Variants in CDH18 observed in about 807,000 individuals in gnomAD.
CDH18 encodes the protein cadherin-18.
A neutral mutation model predicts 67.9 loss-of-function variants in CDH18; 31 were observed. The ratio of observed to expected loss-of-function variants is 0.46; its 90% CI spans 0.34 to 0.62. The LOEUF is 0.62. Among genes scored for constraint, CDH18 ranks in the 20% least tolerant of loss-of-function variants. The pLI is 0.01. For synonymous variants in CDH18, 362 were observed against 347.2 expected, an observed-to-expected ratio of 1.04 and a Z score of -0.48; for missense variants, 890 against 975.5, an observed-to-expected ratio of 0.91 and a Z score of 1.17.
chr5:20,156,397 G>C (rs1279090132), intron 2 of CDH18, among the ~76,000 whole-genome samples: 1 of 152,084 alleles, frequency 6.6e-6, no homozygotes, highest in Non-Finnish European at 1.5e-5. Flanking sequence ...ATGCTATGCA[G>C]TCAAAAAAGA....
intron 2 of CDH18, among the ~76,000 whole-genome samples, chr5:20,076,241 G>T (rs1485181277): frequency 6.6e-6 from 1 of 151,220 alleles, no homozygotes; most frequent in Non-Finnish European, 1.5e-5. Flanking sequence ...TATATAATAT[G>T]TACATTTTAA....
intron 2 of CDH18, among the ~76,000 whole-genome samples, chr5:20,183,492 T>A: frequency 6.6e-6 from 1 of 151,984 alleles, no homozygotes; most frequent in Non-Finnish European, 1.5e-5. Context: ...GGCAACGATA[T>A]TCTCCAAATA....
At chr5:19,751,005 T>C (rs1159944380) in intron 3 of CDH18, among the ~76,000 whole-genome samples, 1 of 151,668 alleles carries the variant, frequency 6.6e-6, no homozygotes, top group African/African-American at 2.4e-5. Flanking sequence ...GAATGAGGGG[T>C]GAAAAAAGTA....
In CDH18 at chr5:20,151,753, T is replaced by A. The variant is rs554636760; in HGVS notation, c.-518+103691A>T. On this transcript the variant is annotated intron_variant, in intron 2 of 14. Coordinates refer to the CDH18 transcript ENST00000507958. ...GAAATATTTCTTATCCTTTCAATAA[T>A]TTATGAATAGAAAAAGGAAGATGCA... Among the ~76,000 whole-genome samples the A allele has an allele frequency of 4.1e-4, 63 of 152,204 alleles. No homozygotes were observed. In the Middle Eastern group the frequency reaches 0.014, roughly 33 times the overall value.
chr5:20,287,720 G>A (rs1746790866), intron 1 of CDH18, among the ~76,000 whole-genome samples: 1 of 151,534 alleles, frequency 6.6e-6, no homozygotes, highest in South Asian at 2.1e-4. Flanking sequence ...ACATTAGCTG[G>A]TTAGATAACT....
At chr5:20,503,805 A>G (rs1754482674) in intron 1 of CDH18, among the ~76,000 whole-genome samples, 1 of 152,158 alleles carries the variant, frequency 6.6e-6, no homozygotes, top group Non-Finnish European at 1.5e-5. Flanking sequence ...TGGGAGGCTG[A>G]GGCGGGTGGA....
chr5:19,737,908 C>G (rs755798939), intron 4 of CDH18, among the ~76,000 whole-genome samples: 3 of 151,880 alleles, frequency 2.0e-5, no homozygotes, highest in Non-Finnish European at 4.4e-5. Flanking sequence ...TATTCTATTT[C>G]CTCAGTAAGA....
chr5:19,473,311 T>C lies in CDH18; in HGVS notation c.2288A>G (p.Asp763Gly). ...TCCCCAGTCTCCAAGGTAGTGATAA[T>C]CCTGGTCTGATTGTGTCGTTGCTGA... Reference protein sequence around the residue: ...LDSATTQSDQDYHYLGDWGPE... With the variant: ...LDSATTQSDQGYHYLGDWGPE... The change falls in exon 13 of 13, where the codon GAT (aspartate) becomes GGT (glycine). Residue 763 changes from aspartate (D) to glycine (G), a missense_variant. Transcript: ENST00000382275. The C allele has an allele frequency of 1.2e-6, 2 of 1,613,882 alleles. No homozygotes were observed. Among genetic ancestry groups the C allele is most frequent in the Non-Finnish European group, 1.7e-6 (2 of 1,179,870 alleles).
intron 2 of CDH18, among the ~76,000 whole-genome samples, chr5:19,859,114 A>G (rs1162690562): frequency 6.6e-6 from 1 of 152,174 alleles, no homozygotes; most frequent in Non-Finnish European, 1.5e-5. Flanking sequence ...ATAAAATTTT[A>G]AGCCCCACAA....
intron 2 of CDH18, among the ~76,000 whole-genome samples, chr5:20,137,786 A>G (rs1171354502): frequency 6.6e-6 from 1 of 151,896 alleles, no homozygotes; most frequent in African/African-American, 2.4e-5. Flanking sequence ...GATGTCCTTT[A>G]TATTTGTTAG....
chr5:19,933,433 T>C (rs1793919252), intron 2 of CDH18, among the ~76,000 whole-genome samples: 1 of 151,566 alleles, frequency 6.6e-6, no homozygotes, highest in African/African-American at 2.4e-5. Flanking sequence ...CTCCTTTTCT[T>C]TACATATTTT....
chr5:19,619,561 C>A (rs996468311), intron 5 of CDH18, among the ~76,000 whole-genome samples: 2 of 152,172 alleles, frequency 1.3e-5, no homozygotes, highest in Non-Finnish European at 2.9e-5. Flanking sequence ...ACAAATTTAG[C>A]TTCAGTGGAA....
At chr5:19,884,710 G>A (rs1048420212) in intron 2 of CDH18, among the ~76,000 whole-genome samples, 2 of 151,822 alleles carry the variant, frequency 1.3e-5, no homozygotes, top group African/African-American at 4.8e-5. Flanking sequence ...AAAAGTATTG[G>A]TGTGAATCAT....
chr5:20,443,793 T>C (rs1194895570), intron 1 of CDH18, among the ~76,000 whole-genome samples: 2 of 151,956 alleles, frequency 1.3e-5, no homozygotes, highest in Non-Finnish European at 2.9e-5. Context: ...TTGTTGATCT[T>C]GAGTGATTCC....
chr5:20,225,136 T>C (rs1304670409), intron 2 of CDH18, among the ~76,000 whole-genome samples: 1 of 152,122 alleles, frequency 6.6e-6, no homozygotes, highest in South Asian at 2.1e-4. Flanking sequence ...ATCAGTGACA[T>C]TGTTCCCAGA....
chr5:19,501,875 G>A (rs1236235696), intron 11 of CDH18, among the ~76,000 whole-genome samples: 1 of 152,078 alleles, frequency 6.6e-6, no homozygotes, highest in Non-Finnish European at 1.5e-5. Flanking sequence ...TGAATTATAA[G>A]ACAGCCTGTT....
rs73760042 is a variant in CDH18, at chr5:19,650,254, C to T, written c.644-37653G>A. On this transcript the variant is annotated intron_variant, in intron 5 of 12. Coordinates refer to ENST00000382275, the MANE Select transcript of CDH18 (RefSeq NM_004934.5). ...TATGTAGTACACTTTGGAAGAAATC[C>T]CTCTTTCCCAAAACATTGGGCTTAA... Among the ~76,000 whole-genome samples, 1,232 of 149,024 alleles carry T rather than the reference C, an allele frequency of 8.3e-3. 15 individuals are homozygous for T. Among genetic ancestry groups the T allele is most frequent in the African/African-American group, 0.026 (1,047 of 40,746 alleles).
chr5:20,177,446 T>C (rs1397007733), intron 2 of CDH18, among the ~76,000 whole-genome samples: 2 of 152,154 alleles, frequency 1.3e-5, no homozygotes, highest in South Asian at 4.1e-4. Flanking sequence ...TATGAGTATA[T>C]AACATTCAAT....
At chr5:19,608,144 CTT>C (rs1748361071) in intron 6 of CDH18, among the ~76,000 whole-genome samples, 1 of 151,524 alleles carries the variant, frequency 6.6e-6, no homozygotes, top group South Asian at 2.1e-4. Context: ...AAGGAATAAA[CTT>C]GAATGAAATT....
Sources: gnomAD v4.1 joint callset for allele counts (sites outside exome capture counted in the v4.1 genomes callset) on GRCh38, gnomAD v4.1.1 for gene constraint, MANE v1.5 for transcripts, NCBI Gene and HGNC (gene_info 2026-07-23, HGNC 2026-07-21) for gene names.